The following SAGE1 variants were observed in gnomAD, a reference collection of about 807,000 sequenced individuals.
The protein encoded by SAGE1 is cancer/testis antigen 14.
SAGE1 carries 55 observed loss-of-function variants against 55.4 expected under a neutral mutation model. The observed-to-expected ratio is 0.99, with a 90% confidence interval of 0.80 to 1.24. The LOEUF (loss-of-function observed/expected upper bound fraction) is 1.24. SAGE1 is among the 50% of genes most tolerant of loss of function. The pLI, the probability that SAGE1 is intolerant of heterozygous loss-of-function variation, is 0.00. For synonymous variants in SAGE1, 240 were observed against 244.3 expected (o/e 0.98, Z 0.17); for missense variants, 710 against 704.4 (o/e 1.01, Z -0.09).
chrX:135,907,267 A>T (rs377427047), intron 8 of SAGE1, 46 bp from the exon 9 acceptor site: 11 of 1,175,358 alleles, frequency 9.4e-6, no homozygotes, highest in Non-Finnish European at 1.3e-5. Flanking sequence ...TGTGGGGCTG[A>T]CATAATGCAC....
chrX:135,908,888 G>T lies in SAGE1; in HGVS notation c.1466G>T (p.Arg489Leu). ...DLYATITHSV[R>L]EEKMESGKPQ... ...GATGCTACCATTACTCACAGTGTTC[G>T]TGAAGAGAAGATGGAAAGTGGCAAA... The change falls in exon 13 of 20, where the codon CGT (arginine) becomes CTT (leucine). Residue 489 changes from arginine (R) to leucine (L), a missense_variant. Coordinates refer to ENST00000370709, the MANE Select transcript of SAGE1 (RefSeq NM_001381902.1). 1 of 1,209,758 alleles carries T rather than the reference G, an allele frequency of 8.3e-7. No homozygotes were observed. Among genetic ancestry groups the T allele is most frequent in the Non-Finnish European group, 1.1e-6 (1 of 894,396 alleles).
chrX:135,909,540 AT>A, intron 13 of SAGE1, 98 bp from the exon 14 acceptor site: 2 of 883,930 alleles, frequency 2.3e-6, no homozygotes, highest in Non-Finnish European at 3.2e-6. Flanking sequence ...CTCCTGTGTT[AT>A]GGAACAATTT....
chrX:135,896,560 CTTTTT>C (rs35997575), intron 2 of SAGE1, among the ~76,000 whole-genome samples: 1 of 95,093 alleles, frequency 1.1e-5, no homozygotes, highest in Non-Finnish European at 2.1e-5. Flanking sequence ...TTATTTATAT[CTTTTT>C]TTTTTTTTTT....
intron 3 of SAGE1, among the ~76,000 whole-genome samples, chrX:135,903,422 A>C (rs782201505): frequency 3.5e-5 from 4 of 112,698 alleles, no homozygotes; most frequent in African/African-American, 1.3e-4. Context: ...TGAGGATGTG[A>C]GCTCCACAAG....
rs782516735 is a variant in SAGE1 at position 135,904,529 on chromosome X, A to G, written c.273A>G (p.Pro91=). Residue 91 remains proline (P), a synonymous_variant, in exon 4 of 20, where the codon CCA becomes CCG. Coordinates refer to ENST00000370709, the MANE Select transcript of SAGE1 (RefSeq NM_001381902.1). ...ICEERINNGQ[P]VADNVLSTAP... ...AAGAGAGGATAAATAACGGCCAACC[A>G]GTAGCTGATAATGTCTTGTCAACTG... 5 of 1,205,137 alleles carry G rather than the reference A, an allele frequency of 4.1e-6. No homozygotes were observed. The highest frequency in any genetic ancestry group is 5.6e-6 in the Non-Finnish European group (5 of 890,542).
At chrX:135,910,689 A>G in intron 16 of SAGE1, 134 bp downstream of exon 16, 1 of 558,711 alleles carries the variant, frequency 1.8e-6, no homozygotes, top group Non-Finnish European at 2.9e-6. Flanking sequence ...TCCACCTGGC[A>G]TATCCTTGCC....
chrX:135,910,777 C>T (rs781792438), intron 16 of SAGE1, among the ~76,000 whole-genome samples: 1 of 111,565 alleles, frequency 9.0e-6, no homozygotes, highest in Admixed American at 9.6e-5. Flanking sequence ...ACTTACCTCA[C>T]GGCTCAATCT....
At chrX:135,897,160 T>C (rs372308883) in intron 2 of SAGE1, among the ~76,000 whole-genome samples, 53 of 112,345 alleles carry the variant, frequency 4.7e-4, no homozygotes, top group African/African-American at 1.7e-3. Context: ...TCGTGGAATA[T>C]GAAGCACTAG....
intron 8 of SAGE1, 93 bp from the exon 9 acceptor site, chrX:135,907,220 A>G: frequency 1.8e-6 from 2 of 1,082,949 alleles, no homozygotes; most frequent in Non-Finnish European, 2.5e-6. Flanking sequence ...GCTTTATGCA[A>G]TAATTTCTTA....
At chrX:135,896,159 G>T in intron 1 of SAGE1, 84 bp from the exon 2 acceptor site, 2 of 659,083 alleles carry the variant, frequency 3.0e-6, no homozygotes, top group South Asian at 2.4e-5. Context: ...GCTGTATAGC[G>T]CCAATTTATG....
rs187928304 is a variant in SAGE1 at position 135,898,027 on chromosome X, C to A, written c.87+1698C>A. Among the ~76,000 whole-genome samples, 87 of 110,492 alleles carry A rather than the reference C, an allele frequency of 7.9e-4. 1 individual carries two copies. Among genetic ancestry groups the A allele is most frequent in the African/African-American group, 2.2e-3 (68 of 30,447 alleles). On this transcript the variant is annotated intron_variant, in intron 2 of 19. Transcript: ENST00000370709. ...ATCTCATTCCTTTTTTATTTTTTTT[C>A]TTTTTTTTGAGACGGAGTCACGCTC... is the stretch of plus-strand genomic sequence containing the variant.
chrX:135,903,062 G>A (rs868955076), intron 3 of SAGE1, among the ~76,000 whole-genome samples: 2 of 111,597 alleles, frequency 1.8e-5, no homozygotes, highest in Non-Finnish European at 3.8e-5. Flanking sequence ...CCAAGCCTCT[G>A]CACAGCCTGG....
chrX:135,894,718 T>C (rs782763353), intron 1 of SAGE1, among the ~76,000 whole-genome samples: 11 of 109,712 alleles, frequency 1.0e-4, no homozygotes, highest in Non-Finnish European at 1.1e-4. Flanking sequence ...AGTTTAAAAC[T>C]TCAGGAATAA....
intron 3 of SAGE1, among the ~76,000 whole-genome samples, chrX:135,902,380 A>G (rs1327942040): frequency 8.9e-6 from 1 of 112,250 alleles, no homozygotes; most frequent in Non-Finnish European, 1.9e-5. Context: ...TGTAAAATTC[A>G]ACTGACTCTA....
intron 1 of SAGE1, 104 bp from the exon 2 acceptor site, chrX:135,896,139 A>G (rs1309390151): frequency 9.1e-6 from 5 of 548,854 alleles, no homozygotes; most frequent in African/African-American, 8.9e-5. Flanking sequence ...CAAGAGGATC[A>G]TATATTTCAG....
intron 2 of SAGE1, among the ~76,000 whole-genome samples, chrX:135,897,748 G>C (rs183002631): frequency 3.6e-5 from 4 of 111,096 alleles, no homozygotes; most frequent in Non-Finnish European, 7.5e-5. Flanking sequence ...TGGCATGGTG[G>C]CTTACTGCAC....
At chrX:135,905,191 T>C (rs2088763055) in intron 4 of SAGE1, 61 bp from the exon 5 acceptor site, 14 of 1,084,561 alleles carry the variant, frequency 1.3e-5, no homozygotes, top group African/African-American at 1.8e-5. Context: ...CAGTGGGATA[T>C]ACTGGTTCAA....
rs1286238448 is a variant in SAGE1 at position 135,911,103 on chromosome X, G to A, written c.2006-89G>A. ...ATATCCTCCTGCTGTATGGGATAAC[G>A]TCCTGGAAACTGAGCATCAGCAGGA... is the stretch of plus-strand genomic sequence containing the variant. On this transcript the variant is annotated intron_variant, in intron 16 of 19. Coordinates refer to ENST00000370709, the MANE Select transcript of SAGE1 (RefSeq NM_001381902.1). 1.5e-5 allele frequency: 15 copies of A among 1,003,905 alleles called. No homozygotes were observed. The South Asian group carries it at 1.8e-4, about 12-fold the overall frequency. The allele number at this position is 1,003,905 out of a possible 1,213,427, so 82.7% of individuals were successfully genotyped here. A position where few individuals can be genotyped will look rare whatever the true frequency, so the allele number is the denominator to read the frequency against.
intron 4 of SAGE1, among the ~76,000 whole-genome samples, 179 bp downstream of exon 4, chrX:135,904,748 C>T (rs2088753716): frequency 9.0e-6 from 1 of 111,135 alleles, no homozygotes; most frequent in African/African-American, 3.3e-5. Flanking sequence ...GGCCAGCTGG[C>T]ATATCCTCCC....
Sources: gnomAD v4.1 joint callset for allele counts (sites outside exome capture counted in the v4.1 genomes callset) on GRCh38, gnomAD v4.1.1 for gene constraint, MANE v1.5 for transcripts, NCBI Gene and HGNC (gene_info 2026-07-23, HGNC 2026-07-21) for gene names.